The following CROCC variants were observed in gnomAD, a reference collection of about 807,000 sequenced individuals.
CROCC encodes rootletin.
In CROCC, 180 loss-of-function variants were observed where a neutral mutation model predicts 245.2. That is an observed-to-expected ratio of 0.73 (90% CI 0.65 to 0.83). The LOEUF is 0.83. Among genes scored for constraint, CROCC ranks in the 40% least tolerant of loss-of-function variants. The pLI is 0.00. For synonymous variants in CROCC, 1,205 were observed against 1,241.6 expected, an observed-to-expected ratio of 0.97 and a Z score of 0.62; for missense variants, 2,688 against 2,779.4, an observed-to-expected ratio of 0.97 and a Z score of 0.74.
intron 14 of CROCC, among the ~76,000 whole-genome samples, chr1:16,945,070 TA>T (rs2076015942): frequency 2.6e-5 from 4 of 152,258 alleles, no homozygotes; most frequent in Admixed American, 2.6e-4. Flanking sequence ...CCGTCTCTAC[TA>T]AAACTACAAA....
Position 16,930,346 on chromosome 1 carries a change from A to T in CROCC, c.682A>T (p.Arg228Trp). ...CATCCGGCTGGAGGAGGAGCAGCAG[A>T]GGTGAGGGCGCAGCAGGGAGGGCCA... ...ALIRLEEEQQ[R>W]SASLAQVNAM... Residue 228 changes from arginine to tryptophan, a missense_variant and splice_region_variant, in exon 6 of 37, where the codon AGG becomes TGG. Transcript: ENST00000375541. 1 of 1,610,722 alleles carries T rather than the reference A, an allele frequency of 6.2e-7. No individual in the cohort carries two copies. The highest frequency in any genetic ancestry group is 8.5e-7 in the Non-Finnish European group (1 of 1,179,418).
rs200099200 is a variant in CROCC, at chr1:16,969,311, G to T, written c.5272G>T (p.Ala1758Ser). The T allele has an allele frequency of 6.2e-6, 10 of 1,611,936 alleles. No individual in the cohort carries two copies. Among genetic ancestry groups the T allele is most frequent in the Admixed American group, 1.7e-5 (1 of 59,934 alleles). The change falls in exon 32 of 37, where the codon GCC (alanine) becomes TCC (serine). Residue 1758 changes from alanine to serine, a missense_variant. By Grantham distance (99) the Ala-to-Ser change is moderately conservative. This residue lies in a region of CROCC where 1,218 missense variants were observed against 1,286.3 expected (regional missense o/e 0.95). Transcript: ENST00000375541. ...KNLHLQKALT[A>S]CEHDRQVLQE... ...CCTGCATCTGCAGAAGGCTCTGACC[G>T]CCTGTGAACATGACCGCCAAGTACT... is the stretch of plus-strand genomic sequence containing the variant.
chr1:16,921,847 C>T, upstream of CROCC: 1 of 658,524 alleles, frequency 1.5e-6, no homozygotes, highest in Non-Finnish European at 2.7e-6. Context: ...TCCCCTCCCT[C>T]CTCAGCCCAC....
intron 1 of CROCC, among the ~76,000 whole-genome samples, chr1:16,915,306 G>T (rs1384337265): frequency 2.0e-5 from 3 of 152,290 alleles, no homozygotes; most frequent in Non-Finnish European, 4.4e-5. Flanking sequence ...TTATTACTTG[G>T]CTCTTAGCAT....
chr1:16,939,226 GCAGGTC>G (rs2075865996), intron 12 of CROCC, 84 bp downstream of exon 12: 1,287 of 1,062,912 alleles, frequency 1.2e-3, no homozygotes, highest in Non-Finnish European at 1.5e-3. Flanking sequence ...GGGGGCGGGG[GCAGGTC>G]CGGGGCCAGG....
In CROCC at chr1:16,966,613, T is replaced by C. The variant is rs997542071; in HGVS notation, c.4860+42T>C. The C allele has an allele frequency of 6.2e-6, 9 of 1,442,504 alleles. No individual in the cohort carries two copies. Among genetic ancestry groups the C allele is most frequent in the African/African-American group, 4.3e-5 (3 of 69,570 alleles). 89.4% of individuals were successfully genotyped at this position (1,442,504 alleles called of 1,614,324 possible). On this transcript the variant is annotated intron_variant, in intron 30 of 36. Transcript: ENST00000375541. This position sits in a 1 kb window ranked among gnomAD's most constrained non-coding sequence, Gnocchi z 4.8. ...GGCCAGCGGGGCGACGGGGAATCTG[T>C]GTACCCGAGTGAGTGTCTAACTCTT...
chr1:16,955,977 C>G lies in CROCC; in HGVS notation c.3705-20C>G. Reference sequence around the variant, plus strand: ...CTACTCCCAGGACCCAGGGCAGCCCCTGACCTCTGCCCTCTCCAGCCTGAA... The same window carrying G: ...CTACTCCCAGGACCCAGGGCAGCCCGTGACCTCTGCCCTCTCCAGCCTGAA... On this transcript the variant is annotated intron_variant, in intron 24 of 36. Transcript: ENST00000375541. The G allele has an allele frequency of 1.9e-6, 3 of 1,549,260 alleles. No homozygotes were observed. The highest frequency in any genetic ancestry group is 2.6e-6 in the Non-Finnish European group (3 of 1,146,866).
chr1:16,935,651 C>T (rs2075771896), intron 8 of CROCC, among the ~76,000 whole-genome samples: 1 of 152,246 alleles, frequency 6.6e-6, no homozygotes, highest in Admixed American at 6.5e-5. Flanking sequence ...GTCTCGATCT[C>T]CCGACCTCGT....
rs12025984 is a variant in CROCC at position 16,944,256 on chromosome 1, G to A, written c.1965G>A (p.Ala655=). The part of the protein sequence containing the change: ...EEQEDAVQDG[A]RVRRELERSH... ...AGGAGGACGCAGTGCAGGATGGCGC[G>A]CGGGTGCGCCGGGAGCTTGAGCGCA... The change falls in exon 14 of 37, where the codon GCG becomes GCA. Residue 655 remains alanine, a synonymous_variant. Transcript: ENST00000375541. The A allele has an allele frequency of 0.23, 343,326 of 1,509,804 alleles. 14,612 individuals are homozygous for A. The highest frequency in any genetic ancestry group is 0.43 in the East Asian group (16,912 of 39,174). The allele number at this position is 1,509,804 out of a possible 1,614,324, so 93.5% of individuals were successfully genotyped here.
intron 12 of CROCC, among the ~76,000 whole-genome samples, chr1:16,939,565 A>G (rs1398108305): frequency 3.9e-5 from 6 of 152,118 alleles, no homozygotes; most frequent in Admixed American, 2.0e-4. Context: ...GAGTGGAACC[A>G]GGATGCAAGG....
rs1463187430 is a variant in CROCC at position 16,939,107 on chromosome 1, C to A, written c.1573C>A (p.His525Asn). ...CSDSSTLALI[H>N]SALHKRQLQV... is the part of the protein sequence containing the mutation. ...AGACTCCTCCACGCTCGCCCTGATCCACTCCGCCCTGCACAAGCGCCAGCT... is the reference window on the plus strand; with the variant it reads ...AGACTCCTCCACGCTCGCCCTGATCAACTCCGCCCTGCACAAGCGCCAGCT... Residue 525 changes from histidine (H) to asparagine (N), a missense_variant, in exon 12 of 37, where the codon CAC becomes AAC. Coordinates refer to ENST00000375541, the MANE Select transcript of CROCC (RefSeq NM_014675.5). 3.8e-6 allele frequency: 6 copies of A among 1,561,872 alleles called. No individual in the cohort carries two copies. The highest frequency in any genetic ancestry group is 2.2e-4 in the Middle Eastern group (1 of 4,454).
At position 16,948,180 on chromosome 1, in the gene CROCC, C is replaced by T. The variant is rs1570664610; in HGVS notation, c.2515-151C>T. ...ATTGCAGATCTAGAGAAGGTCATGA[C>T]TTGCCCAAGTACATGTAGCACATCA... On this transcript the variant is annotated intron_variant, in intron 17 of 36. Transcript: ENST00000375541. 6 of 1,380,790 alleles carry T rather than the reference C, an allele frequency of 4.3e-6. No individual in the cohort carries two copies. The Admixed American group carries it at 1.2e-4, about 28-fold the overall frequency. 85.5% of individuals were successfully genotyped at this position (1,380,790 alleles called of 1,614,324 possible).
At position 16,945,542 on chromosome 1, in the gene CROCC, G is replaced by A. The variant is rs142404824; in HGVS notation, c.2072G>A (p.Arg691His). 0.041 allele frequency: 64,871 copies of A among 1,590,862 alleles called. 2 individuals are homozygous for A. The highest frequency in any genetic ancestry group is 0.063 in the Admixed American group (3,747 of 59,016). The stretch of plus-strand genomic sequence containing the variant: ...GTGGAGGTGAGGGAGGCGCTGAGCC[G>A]CGCCACACTGCAACGGGACATGCTG... Reference protein sequence around the residue: ...ELVEVREALSRATLQRDMLQA... With the variant: ...ELVEVREALSHATLQRDMLQA... Residue 691 changes from arginine (R) to histidine (H), a missense_variant, in exon 15 of 37, where the codon CGC becomes CAC. By Grantham distance (29) the Arg-to-His change is conservative. Coordinates refer to ENST00000375541, the MANE Select transcript of CROCC (RefSeq NM_014675.5).
chr1:16,937,295 G>C (rs1410864753), intron 9 of CROCC, among the ~76,000 whole-genome samples: 30 of 152,052 alleles, frequency 2.0e-4, no homozygotes, highest in Admixed American at 1.9e-3. Flanking sequence ...GGAGGTTGCA[G>C]TGAGCCAAGA....
At chr1:16,921,091 G>C (rs997802974), upstream of CROCC, among the ~76,000 whole-genome samples, 72 of 152,394 alleles carry the variant, frequency 4.7e-4, no homozygotes, top group Non-Finnish European at 8.5e-4. Flanking sequence ...AGTATTTCTT[G>C]AGTGTTGGCC....
At chr1:16,944,343 T>TG (rs2075999707) in intron 14 of CROCC, 61 bp downstream of exon 14, 1 of 1,456,996 alleles carries the variant, frequency 6.9e-7, no homozygotes, top group African/African-American at 1.4e-5. Flanking sequence ...CCCCTGACAG[T>TG]GCCCCCCTGG....
Position 16,931,405 on chromosome 1 carries a change from C to T in CROCC, c.956+8C>T. 1.2e-6 allele frequency: 2 copies of T among 1,607,904 alleles called. No individual in the cohort carries two copies. On this transcript the variant is annotated splice_region_variant and intron_variant, in intron 8 of 36. Transcript: ENST00000375541. ...GAAGATGTTCACTGAGAGGTGAGGCCTGGCCGGGGACGGGGCAGCAGCTGA... is the reference window on the plus strand; with the variant it reads ...GAAGATGTTCACTGAGAGGTGAGGCTTGGCCGGGGACGGGGCAGCAGCTGA...
At chr1:16,914,963 T>C (rs921362060) in intron 1 of CROCC, among the ~76,000 whole-genome samples, 29 of 152,244 alleles carry the variant, frequency 1.9e-4, no homozygotes, top group Non-Finnish European at 3.5e-4. Flanking sequence ...AGGTGCTTAA[T>C]AAACAGATCT....
intron 30 of CROCC, among the ~76,000 whole-genome samples, chr1:16,967,067 A>AAG (rs1186458101): frequency 1.3e-4 from 19 of 151,572 alleles, no homozygotes; most frequent in East Asian, 1.2e-3. Flanking sequence ...AAGAAAAAAA[A>AAG]AAGAAGAAGA....
Sources: allele counts gnomAD v4.1 joint callset (sites outside exome capture counted in the v4.1 genomes callset), GRCh38; gene constraint gnomAD v4.1.1; regional missense constraint gnomAD v4.1.1; non-coding constraint Gnocchi (gnomAD v3.1); transcripts MANE v1.5; gene names NCBI Gene and HGNC (gene_info 2026-07-23, HGNC 2026-07-21).